The following PCDH9 variants were observed in gnomAD, a reference collection of about 807,000 sequenced individuals.
PCDH9 encodes the protein protocadherin-9.
A neutral mutation model predicts 70.6 loss-of-function variants in PCDH9; 24 were observed. The ratio of observed to expected loss-of-function variants is 0.34; its 90% confidence interval spans 0.25 to 0.48. The LOEUF (loss-of-function observed/expected upper bound fraction) is 0.48. PCDH9 is among the 20% of genes least tolerant of loss of function. The pLI, the probability that PCDH9 is intolerant of heterozygous loss-of-function variation, is 0.99. For missense variants in PCDH9, 1,281 were observed against 1,503.6 expected (o/e 0.85, Z 2.45); for synonymous variants, 562 against 558.5 (o/e 1.01, Z -0.09).
intron 2 of PCDH9, among the ~76,000 whole-genome samples, chr13:67,154,603 T>TACACAC (rs1186181243): frequency 7.1e-5 from 6 of 84,782 alleles, no homozygotes; most frequent in African/African-American, 3.0e-4. Flanking sequence ...AAAATATATA[T>TACACAC]ATACACACAC....
At chr13:67,125,867 A>G (rs535892915) in intron 2 of PCDH9, among the ~76,000 whole-genome samples, 2 of 151,508 alleles carry the variant, frequency 1.3e-5, no homozygotes, top group South Asian at 4.2e-4. Flanking sequence ...GTGTGTATGT[A>G]TGTATGCATG....
At chr13:66,557,408 C>A (rs561729569) in intron 4 of PCDH9, among the ~76,000 whole-genome samples, 35 of 151,990 alleles carry the variant, frequency 2.3e-4, no homozygotes, top group African/African-American at 7.7e-4. Flanking sequence ...TAATAGTAAG[C>A]GTAGTCTATT....
At chr13:66,512,846 T>C (rs1036274233) in intron 4 of PCDH9, among the ~76,000 whole-genome samples, 33 of 152,276 alleles carry the variant, frequency 2.2e-4, no homozygotes, top group African/African-American at 7.2e-4. Context: ...TTTTGTTTTT[T>C]GACACAAAGT....
intron 2 of PCDH9, among the ~76,000 whole-genome samples, chr13:67,031,132 C>T (rs1383761493): frequency 6.6e-6 from 1 of 152,008 alleles, no homozygotes; most frequent in Non-Finnish European, 1.5e-5. Flanking sequence ...AGTTAGCTGC[C>T]TAATTTTTTT....
At chr13:66,884,043 C>G (rs1320254539) in intron 3 of PCDH9, among the ~76,000 whole-genome samples, 1 of 151,778 alleles carries the variant, frequency 6.6e-6, no homozygotes, top group African/African-American at 2.4e-5. Flanking sequence ...GCTGGCACTA[C>G]AGGCACACAC....
intron 4 of PCDH9, among the ~76,000 whole-genome samples, chr13:66,351,260 T>TA (rs1179250060): frequency 6.6e-6 from 1 of 152,114 alleles, no homozygotes; most frequent in Non-Finnish European, 1.5e-5. Flanking sequence ...CAAGTTCATT[T>TA]AAAGAGTACT....
At chr13:67,178,241 A>G (rs2088519180) in intron 2 of PCDH9, among the ~76,000 whole-genome samples, 1 of 152,044 alleles carries the variant, frequency 6.6e-6, no homozygotes, top group Non-Finnish European at 1.5e-5. Flanking sequence ...GATACTATGA[A>G]AGTTAAAGGT....
chr13:66,896,813 C>T (rs1023916235), intron 3 of PCDH9, among the ~76,000 whole-genome samples: 2 of 152,100 alleles, frequency 1.3e-5, no homozygotes, highest in African/African-American at 4.8e-5. Context: ...ATTGAGGAGA[C>T]AAAGAACCAG....
intron 4 of PCDH9, among the ~76,000 whole-genome samples, chr13:66,374,960 A>T (rs1212329459): frequency 6.6e-6 from 1 of 151,948 alleles, no homozygotes; most frequent in African/African-American, 2.4e-5. Flanking sequence ...GTCTAAAGGA[A>T]CTCAATCAGT....
chr13:66,836,964 T>C (rs1325200835), intron 3 of PCDH9, among the ~76,000 whole-genome samples: 2 of 152,170 alleles, frequency 1.3e-5, no homozygotes, highest in African/African-American at 4.8e-5. Flanking sequence ...AGCTCCAGTA[T>C]TTAAAATGTG....
intron 4 of PCDH9, among the ~76,000 whole-genome samples, chr13:66,313,710 G>C (rs1373454579): frequency 6.6e-6 from 1 of 152,224 alleles, no homozygotes; most frequent in Admixed American, 6.5e-5. Context: ...TGTGGTCTCT[G>C]ACAATTTGTA....
Position 66,870,880 on chromosome 13 carries a change from A to G in PCDH9, c.3138+32624T>C, listed in dbSNP as rs369969930. Among the ~76,000 whole-genome samples the G allele has an allele frequency of 2.3e-4, 35 of 152,250 alleles. No individual in the cohort carries two copies. The East Asian group carries it at 5.2e-3, about 23-fold the overall frequency. Reference sequence around the variant, plus strand: ...AAATACCATTTGACCCAGCCATCCCATTACTGGGTATATACCCAAAGGACT... The same window carrying G: ...AAATACCATTTGACCCAGCCATCCCGTTACTGGGTATATACCCAAAGGACT... On this transcript the variant is annotated intron_variant, in intron 3 of 4. Transcript: ENST00000377865.
chr13:66,557,763 T>C (rs1961798577), intron 4 of PCDH9, among the ~76,000 whole-genome samples: 1 of 152,212 alleles, frequency 6.6e-6, no homozygotes, highest in African/African-American at 2.4e-5. Flanking sequence ...GAGTGGTTTC[T>C]GATAAATACA....
intron 2 of PCDH9, among the ~76,000 whole-genome samples, chr13:67,181,864 C>T (rs771844775): frequency 6.6e-6 from 1 of 152,176 alleles, no homozygotes; most frequent in Non-Finnish European, 1.5e-5. Flanking sequence ...CTTCTAACAC[C>T]CTCGTGCCTC....
intron 2 of PCDH9, among the ~76,000 whole-genome samples, chr13:67,106,546 GACA>G (rs1469053152): frequency 6.6e-6 from 1 of 152,220 alleles, no homozygotes; most frequent in Non-Finnish European, 1.5e-5. Context: ...TGGTATCAAT[GACA>G]GCAGCAGCCC....
intron 2 of PCDH9, among the ~76,000 whole-genome samples, chr13:67,071,885 T>A (rs1490490904): frequency 4.8e-5 from 2 of 41,500 alleles, no homozygotes; most frequent in Admixed American, 2.9e-4. Flanking sequence ...GGAGACTTTG[T>A]CTCAAAAAAA....
chr13:66,614,652 G>GA (rs1279461881), intron 4 of PCDH9, among the ~76,000 whole-genome samples: 2 of 152,170 alleles, frequency 1.3e-5, no homozygotes, highest in Non-Finnish European at 2.9e-5. Context: ...GAAGTGTCCA[G>GA]AAAAGAGAGG....
rs1177265164 is a variant in PCDH9 at position 66,629,002 on chromosome 13, G to A, written c.3340+2208C>T. Among the ~76,000 whole-genome samples the A allele has an allele frequency of 1.3e-5, 2 of 152,094 alleles. 1 individual carries two copies. ...AATCTCTAACTCAATTAGTTAACTA[G>A]AAAATTACCCAGATGTTCATTGGTT... On this transcript the variant is annotated intron_variant, in intron 4 of 4. Transcript: ENST00000377865.
chr13:66,580,940 A>G (rs930497001), intron 4 of PCDH9, among the ~76,000 whole-genome samples: 5 of 152,136 alleles, frequency 3.3e-5, no homozygotes, highest in Non-Finnish European at 7.4e-5. Flanking sequence ...AATGCTGAAC[A>G]TGGCGTTATT....
Sources: allele counts gnomAD v4.1 joint callset (sites outside exome capture counted in the v4.1 genomes callset), GRCh38; gene constraint gnomAD v4.1.1; transcripts MANE v1.5; gene names NCBI Gene and HGNC (gene_info 2026-07-23, HGNC 2026-07-21).